The following IL17REL variants were observed in gnomAD, a reference collection of about 807,000 sequenced individuals.
IL17REL encodes the protein interleukin 17 receptor E like, also known as interleukin-17 receptor E-like protein.
A neutral mutation model predicts 49.0 loss-of-function variants in IL17REL; 36 were observed. The ratio of observed to expected loss-of-function variants is 0.73; its 90% CI spans 0.56 to 0.97. IL17REL has a LOEUF of 0.97. Ranked by LOEUF, IL17REL falls within the 50% of genes least tolerant of loss-of-function variation. The pLI is 0.00. For missense variants in IL17REL, 470 were observed against 453.9 expected, an observed-to-expected ratio of 1.04 and a Z score of -0.32; for synonymous variants, 206 against 192.4, an observed-to-expected ratio of 1.07 and a Z score of -0.58.
At chr22:50,002,747 G>A (rs374572314) in intron 1 of IL17REL, among the ~76,000 whole-genome samples, 1 of 151,844 alleles carries the variant, frequency 6.6e-6, no homozygotes, top group African/African-American at 2.4e-5. Context: ...CGCCCACCTC[G>A]GCCTCCCAAA....
downstream of IL17REL, among the ~76,000 whole-genome samples, chr22:49,993,495 G>A (rs2061016445): frequency 6.6e-6 from 1 of 152,146 alleles, no homozygotes; most frequent in Non-Finnish European, 1.5e-5. The surrounding 1 kb of genome is among the most constrained non-coding windows in gnomAD (Gnocchi z 6.0). Context: ...GCTCCGTGTT[G>A]GGTGCTGGGG....
downstream of IL17REL, among the ~76,000 whole-genome samples, chr22:49,992,864 G>A (rs1036359578): frequency 1.6e-4 from 25 of 152,096 alleles, no homozygotes; most frequent in African/African-American, 5.6e-4. Context: ...TAATCCACCC[G>A]CCTTGGTCTC....
At chr22:50,005,362 G>T (rs2146755922) in intron 1 of IL17REL, among the ~76,000 whole-genome samples, 1 of 152,270 alleles carries the variant, frequency 6.6e-6, no homozygotes, top group South Asian at 2.1e-4. Flanking sequence ...AGATGTGCTT[G>T]CTTCAGGAAG....
Position 50,000,738 on chromosome 22 carries a change from C to T in IL17REL, c.219+16G>A, listed in dbSNP as rs1283197187. The stretch of plus-strand genomic sequence containing the variant: ...GTCTTCGGGACTTGGGTGGCAGAGC[C>T]CTGCCTTGGCCTCACCTGCTGCCCC... On this transcript the variant is annotated intron_variant, in intron 3 of 12. Coordinates refer to ENST00000341280, the Ensembl canonical transcript of IL17REL. The T allele has an allele frequency of 1.9e-6, 3 of 1,569,024 alleles. No homozygotes were observed. Among genetic ancestry groups the T allele is most frequent in the African/African-American group, 2.7e-5 (2 of 73,872 alleles).
chr22:50,009,314 C>G (rs1215984477), upstream of IL17REL, among the ~76,000 whole-genome samples: 1 of 152,100 alleles, frequency 6.6e-6, no homozygotes. Context: ...CCCAACCTGA[C>G]CAAGGGCACT....
chr22:50,011,469 G>A (rs1421670173), upstream of IL17REL, among the ~76,000 whole-genome samples: 2 of 151,902 alleles, frequency 1.3e-5, no homozygotes, highest in African/African-American at 2.4e-5. Context: ...CTTCAAGGCC[G>A]CCTCCCCCCA....
upstream of IL17REL, among the ~76,000 whole-genome samples, chr22:50,010,585 CGCTGGGG>C (rs2061134033): frequency 6.6e-6 from 1 of 152,234 alleles, no homozygotes; most frequent in Admixed American, 6.5e-5. Flanking sequence ...AAAGAATCCC[CGCTGGGG>C]GCTCGGAGGC....
intron 11 of IL17REL, 67 bp from the exon 14 acceptor site, chr22:49,997,141 TC>T: frequency 6.8e-7 from 1 of 1,464,194 alleles, no homozygotes; most frequent in Admixed American, 2.1e-5. Flanking sequence ...ACTGTCCTTC[TC>T]CCACATCCTC....
chr22:49,999,835 G>T, exon 5 of IL17REL: 1 of 1,516,446 alleles, frequency 6.6e-7, no homozygotes, highest in Non-Finnish European at 8.8e-7. Flanking sequence ...CACTCGCACA[G>T]GGGCGCCGGC....
intron 12 of IL17REL, 46 bp from the exon 15 acceptor site, chr22:49,996,906 C>A: frequency 3.0e-6 from 2 of 672,572 alleles, no homozygotes; most frequent in Non-Finnish European, 5.0e-6. Flanking sequence ...CTGCTTCCCC[C>A]GGGGATGGGG....
chr22:49,996,778 C>T (rs982283004), exon 13 of IL17REL: 14 of 493,268 alleles, frequency 2.8e-5, no homozygotes, highest in Non-Finnish European at 3.9e-5. Flanking sequence ...CGGCCTCCTG[C>T]GGCCCCTGAG....
chr22:50,004,820 C>G lies in IL17REL; in HGVS notation c.-41-3589G>C, dbSNP rs1036601381. Among the ~76,000 whole-genome samples, 3 of 149,146 alleles carry G rather than the reference C, an allele frequency of 2.0e-5. No homozygotes were observed. In the Admixed American group the frequency reaches 2.0e-4, roughly 10 times the overall value. The stretch of plus-strand genomic sequence containing the variant: ...TGAGAAGAGATCATGCCACTGCACT[C>G]CAGCCTGGATGACAGAGCAAGACTC... On this transcript the variant is annotated intron_variant, in intron 1 of 12. Coordinates refer to ENST00000341280, the Ensembl canonical transcript of IL17REL.
chr22:50,007,150 A>C (rs1008607863), intron 1 of IL17REL, among the ~76,000 whole-genome samples: 10 of 152,148 alleles, frequency 6.6e-5, no homozygotes, highest in Non-Finnish European at 1.3e-4. Flanking sequence ...AATACTGAAC[A>C]GTAAACCTTT....
At chr22:50,011,968 C>T (rs550584084), upstream of IL17REL, among the ~76,000 whole-genome samples, 1 of 152,356 alleles carries the variant, frequency 6.6e-6, no homozygotes, top group East Asian at 1.9e-4. Context: ...GTGCCCTTTC[C>T]ATGCCTGTGT....
At chr22:50,011,358 G>A (rs2146766540), upstream of IL17REL, among the ~76,000 whole-genome samples, 1 of 151,844 alleles carries the variant, frequency 6.6e-6, no homozygotes, top group South Asian at 2.1e-4. Flanking sequence ...CCATTCCCCA[G>A]GATCACCTGG....
At chr22:49,999,258 C>T in intron 7 of IL17REL, 33 bp downstream of exon 9, 6 of 1,612,432 alleles carry the variant, frequency 3.7e-6, no homozygotes, top group Non-Finnish European at 4.2e-6. Flanking sequence ...GCCATTCCCA[C>T]CCTTCCGCCC....
chr22:49,997,054 AG>A lies in IL17REL; in HGVS notation c.994del (p.Leu332CysfsTer54). 6.4e-7 allele frequency: 1 copy of A among 1,563,074 alleles called. No homozygotes were observed. Among genetic ancestry groups the A allele is most frequent in the Non-Finnish European group, 8.6e-7 (1 of 1,160,868 alleles). ...TGGGAAGGTCTAGGAAGGCAAAAGC[AG>A]GGGCGGCTGCCAGGTCACCCTGGGT... is the stretch of plus-strand genomic sequence containing the variant. On this transcript the variant is annotated frameshift_variant, in exon 12 of 13. Transcript: ENST00000341280. LOFTEE classifies it high-confidence loss of function.
At chr22:49,994,162 C>T (rs892979654), downstream of IL17REL, among the ~76,000 whole-genome samples, 5 of 152,086 alleles carry the variant, frequency 3.3e-5, no homozygotes, top group African/African-American at 1.2e-4. Context: ...GAGGGACACC[C>T]TGTCCATGCC....
At chr22:50,007,162 G>A (rs1018837269) in intron 1 of IL17REL, among the ~76,000 whole-genome samples, 11 of 151,928 alleles carry the variant, frequency 7.2e-5, no homozygotes, top group Non-Finnish European at 1.0e-4. Flanking sequence ...TAAACCTTTG[G>A]AATCATTACT....
Sources: allele counts gnomAD v4.1 joint callset (sites outside exome capture counted in the v4.1 genomes callset), GRCh38; gene constraint gnomAD v4.1.1; non-coding constraint Gnocchi (gnomAD v3.1); transcripts MANE v1.5; gene names NCBI Gene and HGNC (gene_info 2026-07-23, HGNC 2026-07-21).